AFG1L: variants seen among roughly 807,000 people sequenced by gnomAD.
The protein encoded by AFG1L is AFG1 like ATPase.
AFG1L carries 53 observed loss-of-function variants against 62.2 expected under a neutral mutation model. The ratio of observed to expected loss-of-function variants is 0.85; its 90% CI spans 0.68 to 1.07. The LOEUF is 1.07. AFG1L is among the 50% of genes least tolerant of loss of function. The pLI is 0.00. For synonymous variants in AFG1L, 228 were observed against 210.3 expected, an observed-to-expected ratio of 1.08 and a Z score of -0.73; for missense variants, 555 against 590.5, an observed-to-expected ratio of 0.94 and a Z score of 0.62.
At chr6:108,409,252 C>A (rs1781996646) in intron 7 of AFG1L, among the ~76,000 whole-genome samples, 1 of 152,102 alleles carries the variant, frequency 6.6e-6, no homozygotes, top group Non-Finnish European at 1.5e-5. Context: ...CTGGAATGAT[C>A]TTGTATTATT....
intron 1 of AFG1L, among the ~76,000 whole-genome samples, chr6:108,302,332 G>A (rs1377434816): frequency 2.0e-5 from 3 of 152,126 alleles, no homozygotes; most frequent in Non-Finnish European, 4.4e-5. Context: ...ACAAATCATG[G>A]TAAGACTGAT....
rs1369213747 is a variant in AFG1L at position 108,396,919 on chromosome 6, A to G, written c.749-5077A>G. On this transcript the variant is annotated intron_variant, in intron 6 of 12. Transcript: ENST00000368977. ...CAAGCACGTATCCTTTGTATTACAA[A>G]CAATCCATTATACTCTATTAGTTAT... 2.6e-5 allele frequency among the ~76,000 whole-genome samples: 4 copies of G among 152,334 alleles called. 1 individual carries two copies. Among genetic ancestry groups the G allele is most frequent in the African/African-American group, 9.6e-5 (4 of 41,588 alleles).
rs1388445026 is a variant in AFG1L at position 108,384,965 on chromosome 6, A to G, written c.749-17031A>G. 5.3e-5 allele frequency among the ~76,000 whole-genome samples: 8 copies of G among 152,276 alleles called. No homozygotes were observed. The East Asian group carries it at 1.5e-3, about 29-fold the overall frequency. ...TGTGCAAGCTTCTAACATATTTCCA[A>G]TTAGAATCCCAGAAGACAAAGAGGA... On this transcript the variant is annotated intron_variant, in intron 6 of 12. Coordinates refer to ENST00000368977, the MANE Select transcript of AFG1L (RefSeq NM_145315.5).
chr6:108,433,412 T>TGCACCAAGTA, intron 7 of AFG1L, among the ~76,000 whole-genome samples: 1 of 151,534 alleles, frequency 6.6e-6, no homozygotes, highest in South Asian at 2.1e-4. Flanking sequence ...CCCAAGTAGC[T>TGCACCAAGTA]GGTACTGCAG....
chr6:108,400,707 A>C (rs1163354597), intron 6 of AFG1L, among the ~76,000 whole-genome samples: 1 of 123,750 alleles, frequency 8.1e-6, no homozygotes, highest in Non-Finnish European at 1.6e-5. Flanking sequence ...ATATTATTAT[A>C]TATATTTAAT....
chr6:108,370,071 C>T (rs1779936343), intron 6 of AFG1L, among the ~76,000 whole-genome samples: 1 of 151,882 alleles, frequency 6.6e-6, no homozygotes, highest in African/African-American at 2.4e-5. Flanking sequence ...AGAAATGACC[C>T]ATTTGAGGTA....
intron 7 of AFG1L, among the ~76,000 whole-genome samples, chr6:108,412,076 T>C (rs921836779): frequency 8.5e-5 from 13 of 152,330 alleles, no homozygotes; most frequent in African/African-American, 2.2e-4. Flanking sequence ...TTAAATGACC[T>C]GATGGAGCTG....
chr6:108,336,623 A>G (rs1183225399), intron 2 of AFG1L, among the ~76,000 whole-genome samples: 1 of 152,224 alleles, frequency 6.6e-6, no homozygotes, highest in African/African-American at 2.4e-5. Flanking sequence ...TTGAAAGCAA[A>G]TGTCTACAAT....
At chr6:108,429,557 T>G (rs780555247) in intron 7 of AFG1L, among the ~76,000 whole-genome samples, 8 of 152,218 alleles carry the variant, frequency 5.3e-5, no homozygotes, top group Non-Finnish European at 1.0e-4. Context: ...ACCATATCAG[T>G]ATACTTTGTC....
intron 2 of AFG1L, among the ~76,000 whole-genome samples, chr6:108,336,644 A>G (rs557790478): frequency 6.0e-4 from 91 of 152,342 alleles, no homozygotes; most frequent in African/African-American, 2.0e-3. Flanking sequence ...ACAAATATGC[A>G]GATATTTTTG....
At chr6:108,347,950 T>C (rs1778927030) in intron 3 of AFG1L, among the ~76,000 whole-genome samples, 1 of 152,156 alleles carries the variant, frequency 6.6e-6, no homozygotes, top group Non-Finnish European at 1.5e-5. Flanking sequence ...ATTCACACTC[T>C]AGGCTCCCCT....
chr6:108,426,136 T>G (rs1415115524), intron 7 of AFG1L, among the ~76,000 whole-genome samples: 2 of 152,214 alleles, frequency 1.3e-5, no homozygotes, highest in Non-Finnish European at 2.9e-5. Flanking sequence ...TTTATTGAGA[T>G]ATTCTTTTTC....
chr6:108,484,962 G>T (rs987959216), intron 10 of AFG1L, among the ~76,000 whole-genome samples: 25 of 152,188 alleles, frequency 1.6e-4, no homozygotes, highest in African/African-American at 5.1e-4. Flanking sequence ...AAAGGAAAAA[G>T]AAATATCTGA....
At position 108,323,842 on chromosome 6, in the gene AFG1L, T is replaced by G; in HGVS notation, c.157T>G (p.Ser53Ala). The change falls in exon 2 of 13, where the codon TCC becomes GCC. Residue 53 changes from serine to alanine, a missense_variant. By Grantham distance (99) the Ser-to-Ala change is moderately conservative. Transcript: ENST00000368977. ...PFWKAYTVQT[S>A]ESMTPTATSE... Reference sequence around the variant, plus strand: ...GTTTATAGCCTATACGGTTCAGACATCCGAGAGCATGACCCCAACTGCCAC... The same window carrying G: ...GTTTATAGCCTATACGGTTCAGACAGCCGAGAGCATGACCCCAACTGCCAC... 6.2e-7 allele frequency: 1 copy of G among 1,614,038 alleles called. No individual in the cohort carries two copies. Among genetic ancestry groups the G allele is most frequent in the South Asian group, 1.1e-5 (1 of 91,084 alleles).
chr6:108,493,397 G>A (rs1562194136), intron 10 of AFG1L, among the ~76,000 whole-genome samples: 1 of 152,192 alleles, frequency 6.6e-6, no homozygotes. Flanking sequence ...GTTCTTCACA[G>A]ACTCCCTCTG....
intron 6 of AFG1L, among the ~76,000 whole-genome samples, chr6:108,369,944 C>A (rs879662677): frequency 0.04 from 2,573 of 64,052 alleles, 80 homozygotes; most frequent in Admixed American, 0.14. Context: ...GGCTGGCTGG[C>A]TGGCTATCTA....
intron 7 of AFG1L, among the ~76,000 whole-genome samples, 185 bp downstream of exon 7, chr6:108,402,239 C>T (rs1231997575): frequency 2.0e-5 from 3 of 151,962 alleles, no homozygotes; most frequent in Admixed American, 2.0e-4. Flanking sequence ...CCAAGGTGGG[C>T]GGATCACAAG....
intron 8 of AFG1L, among the ~76,000 whole-genome samples, chr6:108,472,631 CTTGTTAAAAACAGAA>C (rs1772941430): frequency 6.6e-6 from 1 of 150,494 alleles, no homozygotes; most frequent in African/African-American, 2.4e-5. Flanking sequence ...TTTGTTATTA[CTTGTTAAAAACAGAA>C]TGATTTTACA....
At chr6:108,520,079 G>A (rs1018553393) in intron 12 of AFG1L, 2 of 267,318 alleles carry the variant, frequency 7.5e-6, no homozygotes, top group Non-Finnish European at 1.4e-5. Context: ...GTGGACTAAG[G>A]TGCCCACAGT....
Sources: gnomAD v4.1 joint callset for allele counts (sites outside exome capture counted in the v4.1 genomes callset) on GRCh38, gnomAD v4.1.1 for gene constraint, MANE v1.5 for transcripts, NCBI Gene and HGNC (gene_info 2026-07-23, HGNC 2026-07-21) for gene names.